PIGL: variants seen among roughly 807,000 people sequenced by gnomAD.
The protein encoded by PIGL is N-acetylglucosaminyl-phosphatidylinositol de-N-acetylase.
In PIGL, 22 loss-of-function variants were observed where a neutral mutation model predicts 31.1. That is an observed-to-expected ratio of 0.71 (90% CI 0.51 to 1.01). The LOEUF (loss-of-function observed/expected upper bound fraction) is 1.01, where lower values mean the gene tolerates loss of function less well. Among genes scored for constraint, PIGL ranks in the 50% least tolerant of loss-of-function variants. PIGL has a pLI of 0.00. For missense variants in PIGL, 302 were observed against 315.9 expected (o/e 0.96, Z 0.33); for synonymous variants, 131 against 117.4 (o/e 1.12, Z -0.75).
intron 1 of PIGL, among the ~76,000 whole-genome samples, chr17:16,218,574 T>A (rs1304798766): frequency 6.6e-6 from 1 of 152,174 alleles, no homozygotes; most frequent in Admixed American, 6.6e-5. Context: ...AGAGAACATC[T>A]TTATGTATTT....
At chr17:16,309,925 A>C (rs2093041763) in intron 3 of PIGL, among the ~76,000 whole-genome samples, 2 of 152,032 alleles carry the variant, frequency 1.3e-5, no homozygotes, top group African/African-American at 2.4e-5. Context: ...TGAAAATACA[A>C]AAATTAGCCA....
At chr17:16,223,549 C>T (rs1029275474) in intron 1 of PIGL, among the ~76,000 whole-genome samples, 2 of 151,780 alleles carry the variant, frequency 1.3e-5, no homozygotes, top group African/African-American at 4.8e-5. Flanking sequence ...TGCACTTCAG[C>T]CTGAGCGACA....
intron 3 of PIGL, 48 bp from the exon 4 acceptor site, chr17:16,313,499 T>G: frequency 7.6e-7 from 1 of 1,318,374 alleles, no homozygotes. Context: ...CCATTGAAGT[T>G]GAGGTGGTGG....
intron 6 of PIGL, among the ~76,000 whole-genome samples, chr17:16,320,917 G>T (rs370500702): frequency 5.9e-4 from 87 of 147,946 alleles, no homozygotes; most frequent in African/African-American, 1.9e-3. Flanking sequence ...TTACAGGCAT[G>T]AGCCACTGTG....
chr17:16,279,435 A>G (rs2092908159), intron 2 of PIGL, among the ~76,000 whole-genome samples: 1 of 152,242 alleles, frequency 6.6e-6, no homozygotes, highest in Non-Finnish European at 1.5e-5. Flanking sequence ...GAATGCATAT[A>G]ATAAAGAGAT....
At chr17:16,249,864 A>G (rs2092763438) in intron 2 of PIGL, among the ~76,000 whole-genome samples, 1 of 152,086 alleles carries the variant, frequency 6.6e-6, no homozygotes, top group Non-Finnish European at 1.5e-5. Flanking sequence ...TCCTCTGGAA[A>G]CCCCCTCATA....
At chr17:16,309,241 A>C (rs181329826) in intron 3 of PIGL, among the ~76,000 whole-genome samples, 64 of 152,250 alleles carry the variant, frequency 4.2e-4, no homozygotes, top group African/African-American at 1.5e-3. Flanking sequence ...ACGGTGAGCT[A>C]TGATCATGCC....
At chr17:16,322,317 A>G (rs1307245167) in intron 6 of PIGL, among the ~76,000 whole-genome samples, 4 of 151,458 alleles carry the variant, frequency 2.6e-5, no homozygotes, top group Admixed American at 2.0e-4. Flanking sequence ...CCAGTCTCGA[A>G]CTTCTGGCCT....
intron 6 of PIGL, among the ~76,000 whole-genome samples, chr17:16,322,792 T>C (rs2093111477): frequency 6.6e-6 from 1 of 152,238 alleles, no homozygotes; most frequent in Non-Finnish European, 1.5e-5. Flanking sequence ...CCCAGCTGTT[T>C]CAGCTCTCCT....
At chr17:16,264,223 G>C (rs1325308031) in intron 2 of PIGL, among the ~76,000 whole-genome samples, 1 of 151,614 alleles carries the variant, frequency 6.6e-6, no homozygotes, top group East Asian at 1.9e-4. Flanking sequence ...GGCCAGGCTG[G>C]TCTTGAACTC....
chr17:16,258,111 G>A (rs1172495408), intron 2 of PIGL, among the ~76,000 whole-genome samples: 1 of 131,256 alleles, frequency 7.6e-6, no homozygotes, highest in African/African-American at 2.8e-5. Flanking sequence ...GAAAGAGAGA[G>A]AGAGAGAGAG....
intron 3 of PIGL, among the ~76,000 whole-genome samples, chr17:16,300,594 C>T (rs113082584): frequency 1.8e-4 from 27 of 151,612 alleles, no homozygotes; most frequent in East Asian, 1.6e-3. Flanking sequence ...GCTCGAGAAT[C>T]GCTTGAACTT....
chr17:16,244,036 G>A (rs1416684377), intron 2 of PIGL, among the ~76,000 whole-genome samples: 1 of 152,152 alleles, frequency 6.6e-6, no homozygotes, highest in African/African-American at 2.4e-5. Context: ...TCAGTTCCTG[G>A]GTGGGGGACT....
chr17:16,246,996 A>C, intron 2 of PIGL, among the ~76,000 whole-genome samples: 1 of 152,048 alleles, frequency 6.6e-6, no homozygotes. Flanking sequence ...GCCCAGATCA[A>C]GGTCTTGCAG....
chr17:16,234,058 T>G lies in PIGL; in HGVS notation c.323T>G (p.Ile108Ser). The change falls in exon 2 of 7, where the codon ATT becomes AGT. Residue 108 changes from isoleucine to serine, a missense_variant. Transcript: ENST00000225609. Reference sequence around the variant, plus strand: ...GGGATTCCACTCTCCAGTGTAATGATTATTGACAACAGGTAATATATCTTT... The same window carrying G: ...GGGATTCCACTCTCCAGTGTAATGAGTATTGACAACAGGTAATATATCTTT... ...VLGIPLSSVM[I>S]IDNRDFPDDP... 1 of 1,564,632 alleles carries G rather than the reference T, an allele frequency of 6.4e-7. No homozygotes were observed. The highest frequency in any genetic ancestry group is 1.1e-5 in the South Asian group (1 of 89,888).
At chr17:16,319,512 T>C (rs1348183881) in intron 6 of PIGL, among the ~76,000 whole-genome samples, 1 of 152,010 alleles carries the variant, frequency 6.6e-6, no homozygotes. Context: ...CCTAACACTT[T>C]GGGAGGCCGA....
At chr17:16,311,713 C>T (rs1824496566) in intron 3 of PIGL, among the ~76,000 whole-genome samples, 1 of 150,310 alleles carries the variant, frequency 6.7e-6, no homozygotes. Context: ...CATCTTGCAC[C>T]GCCCTTAATC....
intron 2 of PIGL, among the ~76,000 whole-genome samples, chr17:16,267,759 A>G (rs1170518855): frequency 2.0e-5 from 3 of 152,172 alleles, no homozygotes; most frequent in African/African-American, 7.2e-5. Flanking sequence ...GTGGTTTCTA[A>G]CTTGGCAATT....
intron 2 of PIGL, among the ~76,000 whole-genome samples, chr17:16,295,609 G>T (rs567304036): frequency 4.0e-5 from 6 of 151,822 alleles, no homozygotes; most frequent in African/African-American, 1.2e-4. Flanking sequence ...TTGTACCACC[G>T]CATTCCAGCC....
Sources: gnomAD v4.1 joint callset for allele counts (sites outside exome capture counted in the v4.1 genomes callset) on GRCh38, gnomAD v4.1.1 for gene constraint, MANE v1.5 for transcripts, NCBI Gene and HGNC (gene_info 2026-07-23, HGNC 2026-07-21) for gene names.